ITPK1: variants seen among roughly 807,000 people sequenced by gnomAD.
The protein encoded by ITPK1 is inositol 1,3,4-trisphosphate 5/6-kinase.
Under a neutral mutation model 45.3 loss-of-function variants are expected in ITPK1, and 21 were observed. That is an observed-to-expected ratio of 0.46 (90% CI 0.33 to 0.67). The LOEUF (loss-of-function observed/expected upper bound fraction) is 0.67. ITPK1 is among the 30% of genes least tolerant of loss of function. ITPK1 has a pLI of 0.02. For synonymous variants in ITPK1, 258 were observed against 253.6 expected (o/e 1.02, Z -0.16); for missense variants, 474 against 573.5 (o/e 0.83, Z 1.77).
intron 5 of ITPK1, among the ~76,000 whole-genome samples, chr14:92,970,486 GAGCTGCGCTC>G (rs1885590669): frequency 6.6e-6 from 1 of 152,188 alleles, no homozygotes; most frequent in Non-Finnish European, 1.5e-5. Context: ...CCGGCTCTTA[GAGCTGCGCTC>G]AGTCCTGCTT....
intron 4 of ITPK1, among the ~76,000 whole-genome samples, chr14:93,005,521 C>A (rs1016830228): frequency 2.0e-5 from 3 of 152,244 alleles, no homozygotes; most frequent in South Asian, 2.1e-4. Flanking sequence ...AACCAACAGG[C>A]AAGAGGAGGA....
rs1470727397 is a variant in ITPK1 at position 93,012,703 on chromosome 14, CTG to C, written c.246+3971_246+3972del. Among the ~76,000 whole-genome samples, 2 of 152,238 alleles carry C rather than the reference CTG, an allele frequency of 1.3e-5. No individual in the cohort carries two copies. The highest frequency in any genetic ancestry group is 2.9e-5 in the Non-Finnish European group (2 of 68,042). On this transcript the variant is annotated intron_variant, in intron 4 of 10. Transcript: ENST00000267615. This position sits in a 1 kb window ranked among gnomAD's most constrained non-coding sequence, Gnocchi z 4.9. The stretch of plus-strand genomic sequence containing the variant: ...CCGCAGAGGACACTCTCCTAGCAGT[CTG>C]TGTGCAGACCGGGAATTCAGGGGAC...
chr14:93,012,076 C>G lies in ITPK1; in HGVS notation c.246+4600G>C, dbSNP rs547812852. On this transcript the variant is annotated intron_variant, in intron 4 of 10. Coordinates refer to ENST00000267615, the MANE Select transcript of ITPK1 (RefSeq NM_014216.6). This position sits in a 1 kb window ranked among gnomAD's most constrained non-coding sequence, Gnocchi z 4.9. ...CGCTCCAAGCAGCCCAGCAGAGCCA[C>G]GTCCTCCCTCCGCAAGGCCATCAGG... is the stretch of plus-strand genomic sequence containing the variant. Among the ~76,000 whole-genome samples, 8 of 152,274 alleles carry G rather than the reference C, an allele frequency of 5.3e-5. No individual in the cohort carries two copies. In the South Asian group the frequency reaches 1.7e-3, roughly 32 times the overall value.
At chr14:92,999,197 C>A (rs2139819632) in intron 4 of ITPK1, among the ~76,000 whole-genome samples, 1 of 152,336 alleles carries the variant, frequency 6.6e-6, no homozygotes, top group Middle Eastern at 3.4e-3. Context: ...CCGGACTGAC[C>A]CCTAAGCCAG....
intron 3 of ITPK1, among the ~76,000 whole-genome samples, chr14:93,067,262 A>G (rs1360332501): frequency 2.0e-5 from 3 of 152,196 alleles, no homozygotes; most frequent in Non-Finnish European, 4.4e-5. Context: ...CAAGGGTGGC[A>G]GGTACCAGGG....
chr14:93,055,225 C>CT (rs1890173477), intron 3 of ITPK1, among the ~76,000 whole-genome samples: 1 of 152,220 alleles, frequency 6.6e-6, no homozygotes, highest in South Asian at 2.1e-4. Flanking sequence ...GGCATGCGTG[C>CT]TGTCTCCTCT....
At chr14:92,952,041 G>A (rs1165957113) in intron 8 of ITPK1, 28 bp from the exon 9 acceptor site, 13 of 1,546,374 alleles carry the variant, frequency 8.4e-6, no homozygotes, top group East Asian at 2.4e-5. Context: ...AGGAGCCGGC[G>A]TTAGAACCTC....
chr14:93,010,347 C>G (rs966539421), intron 4 of ITPK1, among the ~76,000 whole-genome samples: 1 of 152,256 alleles, frequency 6.6e-6, no homozygotes, highest in Non-Finnish European at 1.5e-5. Flanking sequence ...CAGGGGCCAA[C>G]AGGGTTTGAT....
chr14:92,978,559 G>A (rs986876448), intron 5 of ITPK1, among the ~76,000 whole-genome samples: 3 of 151,948 alleles, frequency 2.0e-5, no homozygotes, highest in Admixed American at 6.5e-5. Flanking sequence ...GGGAAAAATT[G>A]TTTTGTGGGC....
Position 92,947,361 on chromosome 14 carries a change from T to A in ITPK1, c.739-868A>T, listed in dbSNP as rs534831770. Among the ~76,000 whole-genome samples the A allele has an allele frequency of 4.6e-5, 7 of 152,304 alleles. No individual in the cohort carries two copies. In the South Asian group the frequency reaches 1.5e-3, roughly 32 times the overall value. The stretch of plus-strand genomic sequence containing the variant: ...CCAGCCCGGCACTCCCCTCTGCCAC[T>A]CAAGTCCTGTGCCTGTCGCAGCTGG... On this transcript the variant is annotated intron_variant, in intron 9 of 10. Transcript: ENST00000267615.
At chr14:93,047,558 G>A (rs1183682198) in intron 3 of ITPK1, among the ~76,000 whole-genome samples, 1 of 152,244 alleles carries the variant, frequency 6.6e-6, no homozygotes, top group Non-Finnish European at 1.5e-5. Flanking sequence ...AGACTACAGC[G>A]ATGCTCCCAC....
chr14:93,026,583 C>T (rs1888741747), intron 3 of ITPK1, among the ~76,000 whole-genome samples: 1 of 152,232 alleles, frequency 6.6e-6, no homozygotes, highest in South Asian at 2.1e-4. Flanking sequence ...AATATAAATG[C>T]ATAACCTTTC....
Position 92,978,992 on chromosome 14 carries a change from A to G in ITPK1, c.364+14888T>C, listed in dbSNP as rs1406577075. On this transcript the variant is annotated intron_variant, in intron 5 of 10. Transcript: ENST00000267615. Reference sequence around the variant, plus strand: ...GTCCCTGGAAAAGCTGTAGGTACTCAGTGTCAGCCCACGAAAGCAGCTGTG... The same window carrying G: ...GTCCCTGGAAAAGCTGTAGGTACTCGGTGTCAGCCCACGAAAGCAGCTGTG... Among the ~76,000 whole-genome samples the G allele has an allele frequency of 3.3e-5, 5 of 151,932 alleles. No individual in the cohort carries two copies. In the East Asian group the frequency reaches 9.7e-4, roughly 29 times the overall value.
intron 10 of ITPK1, among the ~76,000 whole-genome samples, chr14:92,944,197 T>A (rs1162000814): frequency 3.9e-5 from 6 of 152,114 alleles, no homozygotes; most frequent in Non-Finnish European, 8.8e-5. Flanking sequence ...TGGACACCCA[T>A]GGCCCAAGGT....
chr14:93,108,636 G>A (rs113862402), intron 2 of ITPK1, among the ~76,000 whole-genome samples: 1,987 of 152,364 alleles, frequency 0.013, 47 homozygotes, highest in African/African-American at 0.046. Flanking sequence ...GGCCCTGAGC[G>A]CAGGAGGGTG....
rs373259893 is a variant in ITPK1 at position 93,009,961 on chromosome 14, G to GT, written c.246+6714dup. Among the ~76,000 whole-genome samples, 707 of 152,326 alleles carry GT rather than the reference G, an allele frequency of 4.6e-3. 4 individuals carry two copies. Among genetic ancestry groups the GT allele is most frequent in the Non-Finnish European group, 8.1e-3 (550 of 68,022 alleles). On this transcript the variant is annotated intron_variant, in intron 4 of 10. Transcript: ENST00000267615. ...AGTGACTTAACTTCCCCGGGCCGCA[G>GT]TTGTCTCCTCCTGAAAAATGGGGAA...
intron 10 of ITPK1, among the ~76,000 whole-genome samples, chr14:92,944,917 C>A (rs1263162503): frequency 6.6e-6 from 1 of 152,166 alleles, no homozygotes; most frequent in Non-Finnish European, 1.5e-5. Context: ...TCCCCGACTC[C>A]CAGGGAGAGC....
At chr14:92,949,016 G>A (rs761152053) in intron 9 of ITPK1, among the ~76,000 whole-genome samples, 32 of 151,364 alleles carry the variant, frequency 2.1e-4, no homozygotes, top group Non-Finnish European at 4.3e-4. Flanking sequence ...CCTTGGTGTC[G>A]TATCTGGAAG....
rs552512303 is a variant in ITPK1 at position 92,942,062 on chromosome 14, G to C, written c.902-158C>G. Among the ~76,000 whole-genome samples the C allele has an allele frequency of 2.0e-5, 3 of 152,310 alleles. No individual in the cohort carries two copies. In the East Asian group the frequency reaches 5.8e-4, roughly 29 times the overall value. On this transcript the variant is annotated intron_variant, in intron 10 of 10. Coordinates refer to ENST00000267615, the MANE Select transcript of ITPK1 (RefSeq NM_014216.6). ...GAAAACGTGAGGCTCAGCAGATAAG[G>C]GGGGCTGAGGGGAGTCAAAAAGCTT...
Sources: gnomAD v4.1 joint callset for allele counts (sites outside exome capture counted in the v4.1 genomes callset) on GRCh38, gnomAD v4.1.1 for gene constraint, Gnocchi (gnomAD v3.1) non-coding constraint, MANE v1.5 for transcripts, NCBI Gene and HGNC (gene_info 2026-07-23, HGNC 2026-07-21) for gene names.